Variants in NXPH1 observed in about 807,000 individuals in gnomAD.
NXPH1 encodes the protein neurexophilin-1.
A neutral mutation model predicts 23.7 loss-of-function variants in NXPH1; 5 were observed. That is an observed-to-expected ratio of 0.21 (90% CI 0.11 to 0.44). The LOEUF (loss-of-function observed/expected upper bound fraction) is 0.44. NXPH1 is among the 20% of genes least tolerant of loss of function. The pLI, the probability that NXPH1 is intolerant of heterozygous loss-of-function variation, is 0.99. For missense variants in NXPH1, 324 were observed against 321.6 expected (o/e 1.01, Z -0.06); for synonymous variants, 144 against 122.2 (o/e 1.18, Z -1.18).
At chr7:8,453,844 T>A (rs1816547375) in intron 2 of NXPH1, among the ~76,000 whole-genome samples, 1 of 152,166 alleles carries the variant, frequency 6.6e-6, no homozygotes, top group Non-Finnish European at 1.5e-5. Context: ...TTAGGTTGAT[T>A]CCATGTCTTT....
intron 2 of NXPH1, among the ~76,000 whole-genome samples, chr7:8,648,060 A>G (rs1389850883): frequency 6.6e-6 from 1 of 152,174 alleles, no homozygotes; most frequent in African/African-American, 2.4e-5. Flanking sequence ...ATATATTTAT[A>G]GGGTACATGG....
chr7:8,730,188 G>T (rs1380995433), intron 2 of NXPH1, among the ~76,000 whole-genome samples: 6 of 148,204 alleles, frequency 4.0e-5, no homozygotes, highest in Admixed American at 6.8e-5. Flanking sequence ...TTTTCCATTT[G>T]CTTGGTAGAT....
At chr7:8,618,091 C>T (rs747114236) in intron 2 of NXPH1, among the ~76,000 whole-genome samples, 128 of 152,176 alleles carry the variant, frequency 8.4e-4, no homozygotes, top group Admixed American at 1.5e-3. Flanking sequence ...GAGTGTCACT[C>T]GCCGCAGGGT....
At chr7:8,459,540 T>G (rs1816656259) in intron 2 of NXPH1, among the ~76,000 whole-genome samples, 1 of 152,206 alleles carries the variant, frequency 6.6e-6, no homozygotes. Flanking sequence ...AAATGTGTAA[T>G]TGTACTCTGC....
At chr7:8,458,557 C>G (rs1034975644) in intron 2 of NXPH1, among the ~76,000 whole-genome samples, 4 of 152,130 alleles carry the variant, frequency 2.6e-5, no homozygotes, top group African/African-American at 9.7e-5. Flanking sequence ...GATCACATAG[C>G]TAGTTTTAGG....
intron 2 of NXPH1, among the ~76,000 whole-genome samples, chr7:8,532,971 A>G (rs936529900): frequency 1.3e-5 from 2 of 152,148 alleles, no homozygotes; most frequent in Admixed American, 6.5e-5. Context: ...GCCAGCAGCC[A>G]GGATTACTGA....
intron 2 of NXPH1, among the ~76,000 whole-genome samples, chr7:8,565,713 G>A (rs1415335118): frequency 6.6e-6 from 1 of 151,558 alleles, no homozygotes; most frequent in Non-Finnish European, 1.5e-5. Flanking sequence ...GGTGTGTTTA[G>A]GTGCCCTCAC....
chr7:8,478,918 G>A (rs538938485), intron 2 of NXPH1, among the ~76,000 whole-genome samples: 75 of 152,114 alleles, frequency 4.9e-4, no homozygotes, highest in African/African-American at 1.7e-3. Flanking sequence ...AGTATAAAGG[G>A]CTCAGACTAT....
intron 2 of NXPH1, among the ~76,000 whole-genome samples, chr7:8,532,995 G>A (rs368981858): frequency 1.3e-5 from 2 of 152,208 alleles, no homozygotes; most frequent in African/African-American, 4.8e-5. Context: ...CTTGCTGTCT[G>A]AGGGGCACTG....
chr7:8,489,274 C>T (rs919836118), intron 2 of NXPH1, among the ~76,000 whole-genome samples: 3 of 152,044 alleles, frequency 2.0e-5, no homozygotes, highest in South Asian at 2.1e-4. Flanking sequence ...CTTCTCATAT[C>T]GAAAAGGACC....
intron 2 of NXPH1, among the ~76,000 whole-genome samples, chr7:8,571,965 G>A (rs548039858): frequency 6.6e-6 from 1 of 151,656 alleles, no homozygotes; most frequent in South Asian, 2.1e-4. Flanking sequence ...GAAATGAAAT[G>A]CTACCAAGGG....
In NXPH1 at chr7:8,483,965, C is replaced by CTTTTTTTTTTTTTTTTTTTTTT. The variant is rs60436502; in HGVS notation, c.54+48215_54+48216insTTTTTTTTTTTTTTTTTTTTTT. On this transcript the variant is annotated intron_variant, in intron 2 of 2. Transcript: ENST00000405863. The stretch of plus-strand genomic sequence containing the variant: ...CTAGAATAAATAACACTCCCCCCAC[C>CTTTTTTTTTTTTTTTTTTTTTT]TTTTTTTTTTTTTTTTTAAGAAGTA... Among the ~76,000 whole-genome samples, 24 of 132,322 alleles carry CTTTTTTTTTTTTTTTTTTTTTT rather than the reference C, an allele frequency of 1.8e-4. 2 individuals carry two copies. The highest frequency in any genetic ancestry group is 7.5e-4 in the African/African-American group (24 of 32,048). 86.8% of individuals were successfully genotyped at this position (132,322 alleles called of 152,430 possible).
chr7:8,538,198 AT>A (rs1320029871), intron 2 of NXPH1, among the ~76,000 whole-genome samples: 1 of 151,968 alleles, frequency 6.6e-6, no homozygotes, highest in African/African-American at 2.4e-5. Context: ...GGTTTTTAAT[AT>A]TAAATGTCAT....
At chr7:8,646,439 C>G (rs899698448) in intron 2 of NXPH1, among the ~76,000 whole-genome samples, 1 of 152,074 alleles carries the variant, frequency 6.6e-6, no homozygotes, top group African/African-American at 2.4e-5. Context: ...TTTTGCCTAT[C>G]TTGATTCACT....
chr7:8,716,797 T>C (rs1242704438), intron 2 of NXPH1, among the ~76,000 whole-genome samples: 1 of 152,192 alleles, frequency 6.6e-6, no homozygotes, highest in African/African-American at 2.4e-5. Flanking sequence ...ATGTACTAGT[T>C]GGTAAACAGT....
intron 2 of NXPH1, among the ~76,000 whole-genome samples, chr7:8,749,024 G>A (rs943438046): frequency 1.3e-5 from 2 of 152,156 alleles, no homozygotes; most frequent in African/African-American, 2.4e-5. Context: ...AAGGTTCTCT[G>A]CATCTATGTC....
At chr7:8,628,686 G>C (rs1466038138) in intron 2 of NXPH1, among the ~76,000 whole-genome samples, 1 of 151,948 alleles carries the variant, frequency 6.6e-6, no homozygotes, top group Non-Finnish European at 1.5e-5. Context: ...CAATGTTCTT[G>C]AGTGGTATAC....
At chr7:8,728,700 T>C (rs1780098968) in intron 2 of NXPH1, among the ~76,000 whole-genome samples, 1 of 152,076 alleles carries the variant, frequency 6.6e-6, no homozygotes, top group Admixed American at 6.5e-5. Flanking sequence ...CACTTGATCA[T>C]GGTGGATAAG....
intron 2 of NXPH1, among the ~76,000 whole-genome samples, chr7:8,668,747 A>C (rs1346432614): frequency 6.6e-6 from 1 of 151,836 alleles, no homozygotes; most frequent in Non-Finnish European, 1.5e-5. Flanking sequence ...TTGGTGCTGC[A>C]GCAGGCCTGA....
Sources: allele counts gnomAD v4.1 joint callset (sites outside exome capture counted in the v4.1 genomes callset), GRCh38; gene constraint gnomAD v4.1.1; transcripts MANE v1.5; gene names NCBI Gene and HGNC (gene_info 2026-07-23, HGNC 2026-07-21).